Variants in DIP2B observed in about 807,000 individuals in gnomAD.
The protein encoded by DIP2B is DIP2 acetate--CoA ligase B (putative).
In DIP2B, 76 loss-of-function variants were observed where a neutral mutation model predicts 198.0. That is an observed-to-expected ratio of 0.38 (90% CI 0.32 to 0.46). DIP2B has a LOEUF of 0.46. Ranked by LOEUF, DIP2B falls within the 20% of genes least tolerant of loss-of-function variation. The pLI is 0.99. For synonymous variants in DIP2B, 701 were observed against 739.1 expected (o/e 0.95, Z 0.84); for missense variants, 1,559 against 1,978.4 (o/e 0.79, Z 4.02).
chr12:50,543,064 G>A (rs1958340771), intron 1 of DIP2B, among the ~76,000 whole-genome samples: 1 of 151,498 alleles, frequency 6.6e-6, no homozygotes, highest in Non-Finnish European at 1.5e-5. Context: ...TGTAGAGATG[G>A]GGCTTCACCA....
intron 1 of DIP2B, among the ~76,000 whole-genome samples, chr12:50,590,216 C>T (rs1958807338): frequency 6.6e-6 from 1 of 151,624 alleles, no homozygotes; most frequent in South Asian, 2.1e-4. Context: ...CCAGGCTGAT[C>T]TCGAACTCCT....
intron 36 of DIP2B, 142 bp downstream of exon 36, chr12:50,739,728 T>C (rs1940206600): frequency 9.2e-7 from 1 of 1,086,572 alleles, no homozygotes; most frequent in African/African-American, 1.6e-5. Context: ...TGACTCTCTC[T>C]TCATTTGGAG....
intron 3 of DIP2B, among the ~76,000 whole-genome samples, chr12:50,647,061 G>T (rs574060039): frequency 8.3e-6 from 1 of 120,026 alleles, no homozygotes; most frequent in Non-Finnish European, 1.7e-5. Context: ...TGGGGGGAGG[G>T]GGGTGGGGGA....
chr12:50,614,040 A>C (rs1156661019), intron 1 of DIP2B, among the ~76,000 whole-genome samples: 2 of 152,196 alleles, frequency 1.3e-5, no homozygotes, highest in African/African-American at 4.8e-5. Context: ...GCCTTCTGTA[A>C]TACTACCCCA....
At position 50,558,064 on chromosome 12, in the gene DIP2B, A is replaced by G. The variant is rs954859609; in HGVS notation, c.100+52824A>G. Among the ~76,000 whole-genome samples, 19 of 146,212 alleles carry G rather than the reference A, an allele frequency of 1.3e-4. No individual in the cohort carries two copies. The East Asian group carries it at 1.8e-3, about 14-fold the overall frequency. On this transcript the variant is annotated intron_variant, in intron 1 of 37. Coordinates refer to ENST00000301180, the MANE Select transcript of DIP2B (RefSeq NM_173602.3). ...AGTGAACAAATGTCAACACAATGCA[A>G]TATAAATTATCACGTTTCAGCTGAG...
chr12:50,565,235 G>C lies in DIP2B; in HGVS notation c.100+59995G>C, dbSNP rs146018861. 7.1e-3 allele frequency among the ~76,000 whole-genome samples: 1,072 copies of C among 152,026 alleles called. 8 individuals carry two copies. The highest frequency in any genetic ancestry group is 0.013 in the Non-Finnish European group (857 of 67,988). Reference sequence around the variant, plus strand: ...TTGTCTTGAACTCCTGGGCTCAAATGATCTGCCTGCCTCAGCCTCCCAAAG... The same window carrying C: ...TTGTCTTGAACTCCTGGGCTCAAATCATCTGCCTGCCTCAGCCTCCCAAAG... On this transcript the variant is annotated intron_variant, in intron 1 of 37. Coordinates refer to ENST00000301180, the MANE Select transcript of DIP2B (RefSeq NM_173602.3).
At chr12:50,679,527 C>A (rs1373666414) in intron 8 of DIP2B, 1 of 152,114 alleles carries the variant, frequency 6.6e-6, no homozygotes, top group African/African-American at 2.4e-5. Flanking sequence ...TTGGATGCCC[C>A]TCTGAATAAA....
intron 1 of DIP2B, among the ~76,000 whole-genome samples, chr12:50,516,717 A>G (rs559111963): frequency 4.1e-4 from 62 of 152,182 alleles, no homozygotes; most frequent in Non-Finnish European, 7.4e-4. Flanking sequence ...GCTCATGCTT[A>G]TAATCCCAGC....
At chr12:50,510,033 G>C (rs1958001028) in intron 1 of DIP2B, among the ~76,000 whole-genome samples, 2 of 152,254 alleles carry the variant, frequency 1.3e-5, no homozygotes, top group South Asian at 2.1e-4. Flanking sequence ...ACATTCCTTT[G>C]AAAATCCTCA....
chr12:50,516,937 A>G (rs1958070972), intron 1 of DIP2B, among the ~76,000 whole-genome samples: 1 of 152,094 alleles, frequency 6.6e-6, no homozygotes, highest in East Asian at 2.0e-4. Flanking sequence ...CAGGGATCAC[A>G]GTGAGCCAAG....
At chr12:50,737,385 A>G (rs1391715355) in intron 35 of DIP2B, among the ~76,000 whole-genome samples, 1 of 152,220 alleles carries the variant, frequency 6.6e-6, no homozygotes, top group African/African-American at 2.4e-5. Context: ...ACATATTCCC[A>G]CCTATTAAGG....
At chr12:50,707,038 G>T (rs1393912383) in intron 21 of DIP2B, among the ~76,000 whole-genome samples, 1 of 152,126 alleles carries the variant, frequency 6.6e-6, no homozygotes, top group Non-Finnish European at 1.5e-5. Context: ...TACTCTGTAG[G>T]CATTTACATC....
At chr12:50,625,571 T>C (rs1017387513) in intron 1 of DIP2B, among the ~76,000 whole-genome samples, 1 of 152,216 alleles carries the variant, frequency 6.6e-6, no homozygotes, top group African/African-American at 2.4e-5. Context: ...GTGGTTCGTA[T>C]AGCAGTATAA....
intron 1 of DIP2B, among the ~76,000 whole-genome samples, chr12:50,540,946 CTGGAT>C (rs1263554818): frequency 6.6e-6 from 1 of 152,128 alleles, no homozygotes; most frequent in African/African-American, 2.4e-5. Flanking sequence ...CGCAGAATCT[CTGGAT>C]AGGACATTAT....
intron 4 of DIP2B, among the ~76,000 whole-genome samples, chr12:50,662,464 A>G (rs981529450): frequency 1.3e-5 from 2 of 152,222 alleles, no homozygotes; most frequent in Admixed American, 6.5e-5. Flanking sequence ...GAAATTTGGG[A>G]AGAACTCTTA....
At chr12:50,604,108 A>G (rs928924112) in intron 1 of DIP2B, among the ~76,000 whole-genome samples, 3 of 147,244 alleles carry the variant, frequency 2.0e-5, no homozygotes, top group East Asian at 2.3e-4. Context: ...ACACTGTGCT[A>G]TATACAGAAT....
rs1940203375 is a variant in DIP2B at position 50,739,599 on chromosome 12, C to T, written c.4354+13C>T. 1.2e-6 allele frequency: 2 copies of T among 1,612,448 alleles called. No individual in the cohort carries two copies. Among genetic ancestry groups the T allele is most frequent in the African/African-American group, 1.3e-5 (1 of 75,038 alleles). On this transcript the variant is annotated intron_variant, in intron 36 of 37. Transcript: ENST00000301180. ...GCGGCCACTGGAGGTACTTCTGCAA[C>T]AACTCCCCATTGACCCTGCTTTGTG...
intron 1 of DIP2B, among the ~76,000 whole-genome samples, chr12:50,596,654 C>T (rs980657913): frequency 2.0e-5 from 3 of 152,140 alleles, no homozygotes; most frequent in Admixed American, 6.5e-5. Context: ...TACTTGAGCC[C>T]AGGAGTTTGA....
In DIP2B at chr12:50,698,885, A is replaced by G. The variant is rs188325518; in HGVS notation, c.2189-181A>G. On this transcript the variant is annotated intron_variant, in intron 18 of 37. Transcript: ENST00000301180. Reference sequence around the variant, plus strand: ...ATCGTTAATATGTCACTGTCTCTACAAGCTTTACATTTCAAATATACCTAT... The same window carrying G: ...ATCGTTAATATGTCACTGTCTCTACGAGCTTTACATTTCAAATATACCTAT... 3.2e-3 allele frequency among the ~76,000 whole-genome samples: 487 copies of G among 152,318 alleles called. 2 individuals carry two copies. The highest frequency in any genetic ancestry group is 0.011 in the African/African-American group (469 of 41,562).
Sources: allele counts gnomAD v4.1 joint callset (sites outside exome capture counted in the v4.1 genomes callset), GRCh38; gene constraint gnomAD v4.1.1; transcripts MANE v1.5; gene names NCBI Gene and HGNC (gene_info 2026-07-23, HGNC 2026-07-21).